The following KAT7 variants were observed in gnomAD, a reference collection of about 807,000 sequenced individuals.
KAT7 encodes lysine acetyltransferase 7, also known as histone acetyltransferase KAT7.
In KAT7, 10 loss-of-function variants were observed where a neutral mutation model predicts 82.1. The observed-to-expected ratio is 0.12, with a 90% CI of 0.08 to 0.21. The LOEUF is 0.21. Among genes scored for constraint, KAT7 ranks in the 10% least tolerant of loss-of-function variants. The probability of loss-of-function intolerance (pLI) is 1.00; values close to 1 mark genes in which losing one functional copy is unlikely to be tolerated. For missense variants in KAT7, 378 were observed against 760.9 expected (o/e 0.50, Z 5.92); for synonymous variants, 250 against 262.5 (o/e 0.95, Z 0.46).
At chr17:49,793,231 C>G (rs896643105) in intron 2 of KAT7, among the ~76,000 whole-genome samples, 3 of 152,216 alleles carry the variant, frequency 2.0e-5, no homozygotes, top group Non-Finnish European at 2.9e-5. Flanking sequence ...CAGAGGCCCA[C>G]TTCTAAAACC....
chr17:49,807,262 GTC>G lies in KAT7; in HGVS notation c.663+1819_663+1820del, dbSNP rs376793705. On this transcript the variant is annotated intron_variant, in intron 5 of 14. Coordinates refer to ENST00000259021, the MANE Select transcript of KAT7 (RefSeq NM_007067.5). ...AAAAAAGACGAATGATATAGAGAGA[GTC>G]TGTTTCGGGGGTGAGGGTAGGGATA... Among the ~76,000 whole-genome samples, 31 of 152,328 alleles carry G rather than the reference GTC, an allele frequency of 2.0e-4. No individual in the cohort carries two copies. In the East Asian group the frequency reaches 5.6e-3, roughly 27 times the overall value.
rs2074429213 is a variant in KAT7, at chr17:49,832,032, T to C, written c.*4530T>C. On this transcript the variant is annotated 3_prime_UTR_variant, in exon 15 of 15. Coordinates refer to ENST00000259021, the MANE Select transcript of KAT7 (RefSeq NM_007067.5). ...GTGCAGTGGCGTGATCTAGGCTCAT[T>C]GCAACCTCTGCCTCCCAGGTTCAAG... is the stretch of plus-strand genomic sequence containing the variant. 1.3e-5 allele frequency: 2 copies of C among 151,586 alleles called. No homozygotes were observed. Among genetic ancestry groups the C allele is most frequent in the South Asian group, 2.1e-4 (1 of 4,806 alleles). The allele number at this position is 151,586 out of a possible 1,614,324, so 9.4% of individuals were successfully genotyped here.
intron 11 of KAT7, 28 bp from the exon 12 acceptor site, chr17:49,823,174 G>T (rs1229407545): frequency 1.6e-6 from 2 of 1,237,594 alleles, no homozygotes; most frequent in Admixed American, 1.7e-5. Context: ...TCCTCATGAC[G>T]TGTTCATCTG....
At chr17:49,800,952 A>C (rs2074017201) in intron 4 of KAT7, among the ~76,000 whole-genome samples, 1 of 152,172 alleles carries the variant, frequency 6.6e-6, no homozygotes. Flanking sequence ...ATTTGAGAAT[A>C]AGCATTATGG....
At chr17:49,790,793 C>T (rs2073877747) in intron 1 of KAT7, among the ~76,000 whole-genome samples, 2 of 152,122 alleles carry the variant, frequency 1.3e-5, no homozygotes, top group African/African-American at 2.4e-5. Context: ...AAATCCAAAA[C>T]AATTACAAAT....
chr17:49,806,736 T>C (rs916277242), intron 5 of KAT7, among the ~76,000 whole-genome samples: 2 of 152,274 alleles, frequency 1.3e-5, no homozygotes, highest in African/African-American at 4.8e-5. Context: ...CATGTAACGT[T>C]AAGCAGTTTA....
At chr17:49,805,305 C>G (rs1598064989) in intron 4 of KAT7, 58 bp from the exon 5 acceptor site, 4 of 1,196,190 alleles carry the variant, frequency 3.3e-6, no homozygotes, top group Non-Finnish European at 5.0e-6. Flanking sequence ...CTTAGAGAAA[C>G]ATACTACTTT....
At position 49,821,464 on chromosome 17, in the gene KAT7, G is replaced by A. The variant is rs1351706714; in HGVS notation, c.1245+38G>A. 1.9e-6 allele frequency: 3 copies of A among 1,574,884 alleles called. No homozygotes were observed. In the East Asian group the frequency reaches 6.7e-5, roughly 35 times the overall value. On this transcript the variant is annotated intron_variant, in intron 10 of 14. Coordinates refer to ENST00000259021, the MANE Select transcript of KAT7 (RefSeq NM_007067.5). ...GACTTTAGAAAGGAGTTGAAATGTT[G>A]TATATTCACAGGTTTCAGAAGGCAT...
rs369358731 is a variant in KAT7 at position 49,824,351 on chromosome 17, CTTCT to C, written c.1480+1075_1480+1078del. ...AATTCCTAGAATTAGCCTTCCAAGCCTTCTTTCTTTCTTTCTTTCTTTTTTGAGA... is the reference window on the plus strand; with the variant it reads ...AATTCCTAGAATTAGCCTTCCAAGCCTTCTTTCTTTCTTTCTTTTTTGAGA... On this transcript the variant is annotated intron_variant, in intron 12 of 14. Coordinates refer to ENST00000259021, the MANE Select transcript of KAT7 (RefSeq NM_007067.5). 6.0e-4 allele frequency: 92 copies of C among 152,090 alleles called. 1 individual carries two copies. The highest frequency in any genetic ancestry group is 8.7e-4 in the African/African-American group (36 of 41,454). The allele number at this position is 152,090 out of a possible 1,614,324, so 9.4% of individuals were successfully genotyped here.
At chr17:49,820,941 A>G (rs2074296444) in intron 9 of KAT7, among the ~76,000 whole-genome samples, 1 of 152,050 alleles carries the variant, frequency 6.6e-6, no homozygotes, top group African/African-American at 2.4e-5. Context: ...GTTATGGGTA[A>G]AGGTGAGAGT....
intron 5 of KAT7, among the ~76,000 whole-genome samples, chr17:49,805,785 T>G (rs1361268372): frequency 6.6e-6 from 1 of 152,240 alleles, no homozygotes; most frequent in African/African-American, 2.4e-5. Flanking sequence ...CATAAATATG[T>G]GATCTTAATA....
At position 49,828,771 on chromosome 17, in the gene KAT7, G is replaced by A. The variant is rs923034906; in HGVS notation, c.*1269G>A. On this transcript the variant is annotated 3_prime_UTR_variant, in exon 15 of 15. Transcript: ENST00000259021. ...TGGGGCAACTTTTGATGTATGACAT[G>A]TCACCCTTCCCAACTTGGTCTCCTC... 2.0e-5 allele frequency: 3 copies of A among 153,232 alleles called. No homozygotes were observed. The highest frequency in any genetic ancestry group is 4.4e-5 in the Non-Finnish European group (3 of 68,042). 9.5% of individuals were successfully genotyped at this position (153,232 alleles called of 1,614,324 possible). A position where few individuals can be genotyped will look rare whatever the true frequency, so the allele number is the denominator to read the frequency against.
At position 49,788,730 on chromosome 17, in the gene KAT7, A is replaced by AGG; in HGVS notation, c.-104_-103dup. ...GCAGGAGGCACTAGGGATCGTCCGC[A>AGG]GGATTGGGACTGATACAGAGGCCGC... is the stretch of plus-strand genomic sequence containing the variant. On this transcript the variant is annotated 5_prime_UTR_variant, in exon 1 of 15. Coordinates refer to ENST00000259021, the MANE Select transcript of KAT7 (RefSeq NM_007067.5). The AGG allele has an allele frequency of 1.1e-5, 14 of 1,254,194 alleles. No individual in the cohort carries two copies. Among genetic ancestry groups the AGG allele is most frequent in the Non-Finnish European group, 9.8e-6 (9 of 915,484 alleles). 77.7% of individuals were successfully genotyped at this position (1,254,194 alleles called of 1,614,324 possible). A position where few individuals can be genotyped will look rare whatever the true frequency, so the allele number is the denominator to read the frequency against.
At chr17:49,805,500 A>G in intron 5 of KAT7, 55 bp downstream of exon 5, 2 of 1,354,956 alleles carry the variant, frequency 1.5e-6, no homozygotes, top group Admixed American at 1.7e-5. Context: ...ACCGTTTGCC[A>G]GGCACTTTGC....
At chr17:49,795,689 C>T in intron 2 of KAT7, 1 of 234,246 alleles carries the variant, frequency 4.3e-6, no homozygotes, top group South Asian at 8.0e-5. Context: ...GCACAAATTT[C>T]CTGCTTTCAC....
Position 49,809,101 on chromosome 17 carries a change from CGTT to C in KAT7, c.664-13_664-11del, listed in dbSNP as rs2074129336. 3.1e-6 allele frequency: 5 copies of C among 1,599,666 alleles called. No homozygotes were observed. The highest frequency in any genetic ancestry group is 4.3e-6 in the Non-Finnish European group (5 of 1,167,092). On this transcript the variant is annotated splice_polypyrimidine_tract_variant and intron_variant, in intron 5 of 14. Coordinates refer to ENST00000259021, the MANE Select transcript of KAT7 (RefSeq NM_007067.5). ...TCTTAGAAGCAGGTGGATTTATTGA[CGTT>C]GTTGATGGTTGCAGGTGAGAGCACA... is the stretch of plus-strand genomic sequence containing the variant.
chr17:49,811,967 G>A (rs1422012396), intron 7 of KAT7, among the ~76,000 whole-genome samples: 1 of 152,144 alleles, frequency 6.6e-6, no homozygotes, highest in Non-Finnish European at 1.5e-5. Context: ...TTTCCTCCAT[G>A]ATTAAAAGGT....
chr17:49,825,550 C>A (rs534535572), intron 12 of KAT7, among the ~76,000 whole-genome samples: 2 of 152,136 alleles, frequency 1.3e-5, no homozygotes, highest in South Asian at 4.1e-4. Context: ...TAGGTGAGTA[C>A]AGTACAATAA....
chr17:49,827,421 A>G lies in KAT7; in HGVS notation c.1755A>G (p.Ile585Met), dbSNP rs147612239. ...CTCAGGACCTGATTGATGAGTGGATAGCCAAAGAGGCCAAAAGGTCCAACT... is the reference window on the plus strand; with the variant it reads ...CTCAGGACCTGATTGATGAGTGGATGGCCAAAGAGGCCAAAAGGTCCAACT... ...LKRQDLIDEW[I>M]AKEAKRSNSN... The change falls in exon 15 of 15, where the codon ATA (isoleucine) becomes ATG (methionine). Residue 585 changes from isoleucine to methionine, a missense_variant. Physicochemically the swap from Ile to Met is conservative, Grantham distance 10. Transcript: ENST00000259021. 2.5e-6 allele frequency: 4 copies of G among 1,612,196 alleles called. No homozygotes were observed. The African/African-American group carries it at 5.3e-5, about 22-fold the overall frequency.
Sources: allele counts gnomAD v4.1 joint callset (sites outside exome capture counted in the v4.1 genomes callset), GRCh38; gene constraint gnomAD v4.1.1; transcripts MANE v1.5; gene names NCBI Gene and HGNC (gene_info 2026-07-23, HGNC 2026-07-21).